DIP2C: variants seen among roughly 807,000 people sequenced by gnomAD.
DIP2C encodes DIP2 acetate--CoA ligase C (putative).
DIP2C carries 33 observed loss-of-function variants against 192.4 expected under a neutral mutation model. That is an observed-to-expected ratio of 0.17 (90% CI 0.13 to 0.23). The LOEUF is 0.23. DIP2C is among the 10% of genes least tolerant of loss of function. DIP2C has a pLI of 1.00. For synonymous variants in DIP2C, 979 were observed against 864.1 expected (o/e 1.13, Z -2.33); for missense variants, 1,537 against 2,110.1 (o/e 0.73, Z 5.32).
At chr10:588,603 G>A (rs148064661) in intron 1 of DIP2C, among the ~76,000 whole-genome samples, 2 of 152,198 alleles carry the variant, frequency 1.3e-5, no homozygotes, top group African/African-American at 4.8e-5. Flanking sequence ...GTCCCAGGAG[G>A]CAAGTCCAAG....
chr10:651,456 G>A lies in DIP2C; in HGVS notation c.85+38038C>T, dbSNP rs1452363097. 1 of 664,730 alleles carries A rather than the reference G, an allele frequency of 1.5e-6. No individual in the cohort carries two copies. The highest frequency in any genetic ancestry group is 2.4e-4 in the Middle Eastern group (1 of 4,180). The allele number at this position is 664,730 out of a possible 1,614,324, so 41.2% of individuals were successfully genotyped here. ...AAGTCGTTAAGTAAAAATAGCAGAAGACTTAGTAGAATGTATGAGTAACAA... is the reference window on the plus strand; with the variant it reads ...AAGTCGTTAAGTAAAAATAGCAGAAAACTTAGTAGAATGTATGAGTAACAA... On this transcript the variant is annotated intron_variant, in intron 1 of 36. Transcript: ENST00000280886. The surrounding 1 kb of genome is among the most constrained non-coding windows in gnomAD (Gnocchi z 4.1).
chr10:538,032 T>C (rs1241360440), intron 1 of DIP2C, among the ~76,000 whole-genome samples: 1 of 150,982 alleles, frequency 6.6e-6, no homozygotes, highest in Non-Finnish European at 1.5e-5. Context: ...TCAAGCGATC[T>C]GCTGCCTCGG....
intron 5 of DIP2C, among the ~76,000 whole-genome samples, chr10:419,919 GGGGAAAAGCAT>G (rs1385781546): frequency 2.0e-5 from 3 of 152,204 alleles, no homozygotes; most frequent in Non-Finnish European, 4.4e-5. Flanking sequence ...GTGGCTGAAT[GGGGAAAAGCAT>G]GCTTTTCTAT....
At chr10:515,545 A>T (rs1176002615) in intron 1 of DIP2C, among the ~76,000 whole-genome samples, 1 of 152,156 alleles carries the variant, frequency 6.6e-6, no homozygotes, top group East Asian at 1.9e-4. Flanking sequence ...CAATATGGCA[A>T]AACCCTGTCT....
chr10:597,057 G>A (rs1450480442), intron 1 of DIP2C, among the ~76,000 whole-genome samples: 2 of 152,226 alleles, frequency 1.3e-5, no homozygotes, highest in African/African-American at 4.8e-5. Context: ...ACTAAGTGGA[G>A]ACCCATCCTC....
intron 33 of DIP2C, 146 bp from the exon 34 acceptor site, chr10:286,493 T>C: frequency 2.9e-6 from 2 of 681,878 alleles, no homozygotes; most frequent in South Asian, 1.8e-5. Flanking sequence ...CACATAGTTA[T>C]GACCCATTAT....
At chr10:401,226 T>G (rs1313148041) in intron 9 of DIP2C, among the ~76,000 whole-genome samples, 1 of 151,524 alleles carries the variant, frequency 6.6e-6, no homozygotes, top group Non-Finnish European at 1.5e-5. Context: ...ATGGACAAGT[T>G]TGGTACATTT....
chr10:330,648 TTG>T (rs950861457), intron 29 of DIP2C, among the ~76,000 whole-genome samples: 3 of 105,164 alleles, frequency 2.9e-5, no homozygotes, highest in African/African-American at 4.5e-5. Flanking sequence ...ACCACCATGC[TTG>T]TTTTTTTTTT....
intron 1 of DIP2C, among the ~76,000 whole-genome samples, chr10:655,258 T>A (rs575861390): frequency 2.6e-5 from 4 of 152,318 alleles, no homozygotes; most frequent in African/African-American, 9.6e-5. Flanking sequence ...ACCTTTCCTT[T>A]TCGCTTAATA....
rs1957308600 is a variant in DIP2C, at chr10:327,155, G to A, written c.3775C>T (p.Arg1259Ter). The A allele has an allele frequency of 6.2e-7, 1 of 1,613,842 alleles. No homozygotes were observed. Among genetic ancestry groups the A allele is most frequent in the African/African-American group, 1.3e-5 (1 of 74,902 alleles). ...SLKARGLDLS[R>*]VRTCVVVAEE... is the part of the protein sequence containing the mutation. ...GCCACAACCACGCAGGTCCTCACTC[G>A]GGACAAGTCCAGCCCTCGCGCCTGG... is the stretch of plus-strand genomic sequence containing the variant. Residue 1259 changes from arginine to a stop codon, truncating the protein, a stop_gained, in exon 31 of 37, where the codon CGA becomes TGA. Coordinates refer to ENST00000280886, the MANE Select transcript of DIP2C (RefSeq NM_014974.3). LOFTEE classifies it high-confidence loss of function.
At position 417,732 on chromosome 10, in the gene DIP2C, G is replaced by A. The variant is rs576266418; in HGVS notation, c.739+1333C>T. Among the ~76,000 whole-genome samples the A allele has an allele frequency of 8.9e-4, 118 of 133,034 alleles. 6 individuals are homozygous for A. The highest frequency in any genetic ancestry group is 1.4e-3 in the African/African-American group (48 of 33,198). 87.3% of individuals were successfully genotyped at this position (133,034 alleles called of 152,430 possible). ...CTCAAATAGGCCTCCCTGTCTGCCT[G>A]CGCCTGTCAGGGCTCGGATAGGCAT... On this transcript the variant is annotated intron_variant, in intron 6 of 36. Coordinates refer to ENST00000280886, the MANE Select transcript of DIP2C (RefSeq NM_014974.3).
At chr10:307,693 G>C (rs907920536) in intron 32 of DIP2C, among the ~76,000 whole-genome samples, 1 of 152,230 alleles carries the variant, frequency 6.6e-6, no homozygotes, top group East Asian at 1.9e-4. Context: ...AAACAGAAAG[G>C]AATGAGAAGA....
chr10:489,012 T>TG (rs1025869655), intron 1 of DIP2C, among the ~76,000 whole-genome samples: 3 of 152,090 alleles, frequency 2.0e-5, no homozygotes, highest in African/African-American at 7.2e-5. Flanking sequence ...GTTCAGTTAC[T>TG]GGGGGGCGGG....
intron 1 of DIP2C, among the ~76,000 whole-genome samples, chr10:598,590 C>A (rs1851862273): frequency 6.6e-6 from 1 of 152,120 alleles, no homozygotes; most frequent in Admixed American, 6.5e-5. Context: ...CACCCCTCCC[C>A]ACCCCCTCCT....
intron 17 of DIP2C, among the ~76,000 whole-genome samples, chr10:378,721 G>A (rs561014282): frequency 5.4e-4 from 81 of 151,336 alleles, no homozygotes; most frequent in African/African-American, 1.5e-3. Context: ...GCACAGACAC[G>A]TGAACAGACA....
intron 1 of DIP2C, among the ~76,000 whole-genome samples, chr10:656,050 C>T (rs558518865): frequency 1.3e-5 from 2 of 149,596 alleles, no homozygotes; most frequent in East Asian, 4.0e-4. Context: ...CTCTATTTGT[C>T]CTATTGTATA....
At chr10:459,326 G>A (rs747752146) in intron 3 of DIP2C, among the ~76,000 whole-genome samples, 2 of 151,264 alleles carry the variant, frequency 1.3e-5, no homozygotes, top group African/African-American at 4.9e-5. Context: ...GGAGGGTCTC[G>A]AACCCCTGAG....
At chr10:318,695 G>A (rs1051790762) in intron 31 of DIP2C, among the ~76,000 whole-genome samples, 4 of 152,136 alleles carry the variant, frequency 2.6e-5, no homozygotes, top group African/African-American at 9.7e-5. Flanking sequence ...CTGGGATGCC[G>A]TGTGTCAGCA....
At chr10:329,629 C>CG (rs1957414023) in intron 29 of DIP2C, 28 bp from the exon 30 acceptor site, 1 of 1,603,024 alleles carries the variant, frequency 6.2e-7, no homozygotes. Flanking sequence ...GCTGTCAGGG[C>CG]GGGAGCTCAG....
Sources: allele counts gnomAD v4.1 joint callset (sites outside exome capture counted in the v4.1 genomes callset), GRCh38; gene constraint gnomAD v4.1.1; non-coding constraint Gnocchi (gnomAD v3.1); transcripts MANE v1.5; gene names NCBI Gene and HGNC (gene_info 2026-07-23, HGNC 2026-07-21).